The following FGF13 variants were observed in gnomAD, a reference collection of about 807,000 sequenced individuals.
FGF13 encodes the protein fibroblast growth factor homologous factor 2.
In FGF13, 2 loss-of-function variants were observed where a neutral mutation model predicts 19.5. The observed-to-expected ratio is 0.10, with a 90% CI of 0.04 to 0.32. The LOEUF is 0.32. FGF13 is among the 10% of genes least tolerant of loss of function. The probability of loss-of-function intolerance (pLI) is 1.00; values close to 1 mark genes in which losing one functional copy is unlikely to be tolerated. For synonymous variants in FGF13, 72 were observed against 76.9 expected (o/e 0.94, Z 0.33); for missense variants, 113 against 192.7 (o/e 0.59, Z 2.45).
rs1448034515 is a variant in FGF13, at chrX:138,943,373, C to T, written c.-112-78723G>A. On this transcript the variant is annotated intron_variant, in intron 1 of 2. Transcript: ENST00000421460. ...AGTGCACCCTGCATGTAGGACAGTA[C>T]ACGGCAACTAAAGCCCTGCAATTGA... is the stretch of plus-strand genomic sequence containing the variant. Among the ~76,000 whole-genome samples the T allele has an allele frequency of 4.5e-5, 5 of 112,336 alleles. No individual in the cohort carries two copies. In the East Asian group the frequency reaches 1.4e-3, roughly 32 times the overall value.
rs193082654 is a variant in FGF13 at position 139,177,234 on chromosome X, C to T, written c.-113+26182G>A. ...TTTATCAGAGACTAGGATTGCAACC[C>T]CTGCTTTTTTTTTTTTTTTTTTTGC... On this transcript the variant is annotated intron_variant, in intron 1 of 2. Coordinates refer to the FGF13 transcript ENST00000421460. Among the ~76,000 whole-genome samples, 489 of 72,134 alleles carry T rather than the reference C, an allele frequency of 6.8e-3. 2 individuals are homozygous for T. The highest frequency in any genetic ancestry group is 9.1e-3 in the Non-Finnish European group (382 of 41,801). The allele number at this position is 72,134 out of a possible 115,157, so 62.6% of individuals were successfully genotyped here.
intron 1 of FGF13, among the ~76,000 whole-genome samples, chrX:138,991,740 T>C (rs1032986615): frequency 7.1e-5 from 8 of 112,191 alleles, no homozygotes; most frequent in African/African-American, 2.6e-4. Context: ...GCTATAAATG[T>C]CAGTTGTATA....
chrX:139,152,856 T>G (rs901927132), intron 1 of FGF13, among the ~76,000 whole-genome samples: 1 of 111,021 alleles, frequency 9.0e-6, no homozygotes, highest in African/African-American at 3.3e-5. Flanking sequence ...CCTTTTGTAC[T>G]GCTCCTTTAC....
At chrX:138,845,440 G>A (rs1602948636) in intron 3 of FGF13, among the ~76,000 whole-genome samples, 1 of 112,142 alleles carries the variant, frequency 8.9e-6, no homozygotes, top group Non-Finnish European at 1.9e-5. Context: ...AAATGTGTTA[G>A]ATAAATAAGT....
chrX:138,712,904 C>T (rs1479947982), upstream of FGF13, among the ~76,000 whole-genome samples: 1 of 112,330 alleles, frequency 8.9e-6, no homozygotes, highest in Non-Finnish European at 1.9e-5. Context: ...CTCAGCAACA[C>T]TGAAATGCTT....
At chrX:138,956,443 C>T (rs1310782459) in intron 1 of FGF13, among the ~76,000 whole-genome samples, 1 of 110,457 alleles carries the variant, frequency 9.1e-6, no homozygotes, top group Non-Finnish European at 1.9e-5. Context: ...TGAGAAGTTA[C>T]TGTGGTATGA....
chrX:138,880,632 G>A (rs1380406554), intron 1 of FGF13, among the ~76,000 whole-genome samples: 2 of 111,688 alleles, frequency 1.8e-5, no homozygotes, highest in Non-Finnish European at 3.8e-5. Flanking sequence ...TATGAGATAT[G>A]GGTTCAACTT....
intron 1 of FGF13, among the ~76,000 whole-genome samples, chrX:138,946,035 C>G (rs776228794): frequency 1.8e-5 from 2 of 111,294 alleles, no homozygotes; most frequent in African/African-American, 6.5e-5. Flanking sequence ...GGTCTGAAGC[C>G]AGACTGGATA....
At chrX:139,174,740 G>T (rs1420870454) in intron 1 of FGF13, among the ~76,000 whole-genome samples, 1 of 111,831 alleles carries the variant, frequency 8.9e-6, no homozygotes, top group Non-Finnish European at 1.9e-5. Context: ...CCTCTGTTCT[G>T]TTCCATTGGT....
intron 1 of FGF13, among the ~76,000 whole-genome samples, chrX:138,984,738 G>GAA (rs2091986927): frequency 1.9e-5 from 2 of 103,959 alleles, no homozygotes; most frequent in African/African-American, 7.0e-5. Flanking sequence ...AAGAAGAGAA[G>GAA]GAGGAGGAGG....
chrX:139,038,466 C>A (rs1216871836), intron 1 of FGF13, among the ~76,000 whole-genome samples: 1 of 111,408 alleles, frequency 9.0e-6, no homozygotes, highest in Non-Finnish European at 1.9e-5. Flanking sequence ...TCCCTTGACT[C>A]CTCTAGTTTA....
Position 139,064,564 on chromosome X carries a change from C to T in FGF13, c.-113+138852G>A, listed in dbSNP as rs372227853. On this transcript the variant is annotated intron_variant, in intron 1 of 2. Transcript: ENST00000421460. ...GAGCAGAGTTCTTTATAAAATACAA[C>T]ACTGTGGGTAACCCGACCTTTCTCT... Among the ~76,000 whole-genome samples the T allele has an allele frequency of 9.9e-5, 11 of 111,144 alleles. No homozygotes were observed. The East Asian group carries it at 2.3e-3, about 23-fold the overall frequency.
Position 139,106,731 on chromosome X carries a change from T to A in FGF13, c.-113+96685A>T, listed in dbSNP as rs188562516. Among the ~76,000 whole-genome samples the A allele has an allele frequency of 4.4e-5, 5 of 112,799 alleles. No individual in the cohort carries two copies. The Admixed American group carries it at 4.7e-4, about 11-fold the overall frequency. ...CAAATGTACCAATGAAAATACTACATAAAGTTCAAATGTAGTTTTGACATT... is the reference window on the plus strand; with the variant it reads ...CAAATGTACCAATGAAAATACTACAAAAAGTTCAAATGTAGTTTTGACATT... On this transcript the variant is annotated intron_variant, in intron 1 of 2. Transcript: ENST00000421460.
At chrX:138,693,638 T>C (rs186032721) in intron 3 of FGF13, among the ~76,000 whole-genome samples, 11 of 111,852 alleles carry the variant, frequency 9.8e-5, no homozygotes, top group Non-Finnish European at 1.5e-4. Context: ...ACACCAAAAT[T>C]AGGAACCTAA....
intron 1 of FGF13, among the ~76,000 whole-genome samples, chrX:138,868,336 T>C (rs1314456050): frequency 1.8e-5 from 2 of 110,640 alleles, no homozygotes; most frequent in Non-Finnish European, 3.8e-5. Flanking sequence ...CACTGCCCTA[T>C]GCATGTTGTT....
chrX:138,765,075 T>C (rs2090493787), intron 3 of FGF13, among the ~76,000 whole-genome samples: 1 of 112,328 alleles, frequency 8.9e-6, no homozygotes, highest in South Asian at 3.7e-4. Flanking sequence ...ATGAGTTCTA[T>C]CATTTCCTTA....
chrX:138,880,682 G>T (rs996026992), intron 1 of FGF13, among the ~76,000 whole-genome samples: 14 of 111,978 alleles, frequency 1.3e-4, no homozygotes, highest in Admixed American at 9.5e-5. Flanking sequence ...ACCTGTTAAA[G>T]AAACTGTTTC....
At chrX:139,131,343 T>G (rs1451092707) in intron 1 of FGF13, among the ~76,000 whole-genome samples, 1 of 109,065 alleles carries the variant, frequency 9.2e-6, no homozygotes, top group Non-Finnish European at 1.9e-5. Flanking sequence ...TTACTAATGG[T>G]ACCCATATAT....
At chrX:139,016,719 C>A (rs1055661274) in intron 1 of FGF13, among the ~76,000 whole-genome samples, 3 of 111,386 alleles carry the variant, frequency 2.7e-5, no homozygotes, top group Non-Finnish European at 5.7e-5. Context: ...ATCACATGGC[C>A]TCCCTACTGA....
Sources: allele counts gnomAD v4.1 joint callset (sites outside exome capture counted in the v4.1 genomes callset), GRCh38; gene constraint gnomAD v4.1.1; transcripts MANE v1.5; gene names NCBI Gene and HGNC (gene_info 2026-07-23, HGNC 2026-07-21).